KANK4: variants seen among roughly 807,000 people sequenced by gnomAD.
The protein encoded by KANK4 is KN motif and ankyrin repeat domains 4.
A neutral mutation model predicts 80.8 loss-of-function variants in KANK4; 50 were observed. The observed-to-expected ratio is 0.62, with a 90% CI of 0.49 to 0.78. The LOEUF is 0.78. Among genes scored for constraint, KANK4 ranks in the 30% least tolerant of loss-of-function variants. The pLI, the probability that KANK4 is intolerant of heterozygous loss-of-function variation, is 0.00. For missense variants in KANK4, 1,196 were observed against 1,240.1 expected (o/e 0.96, Z 0.53); for synonymous variants, 465 against 506.9 (o/e 0.92, Z 1.11).
At position 62,263,522 on chromosome 1, in the gene KANK4, A is replaced by G. The variant is rs1224797916; in HGVS notation, c.2320-211T>C. 7 of 558,288 alleles carry G rather than the reference A, an allele frequency of 1.3e-5. No homozygotes were observed. The African/African-American group carries it at 1.3e-4, about 11-fold the overall frequency. The allele number at this position is 558,288 out of a possible 1,614,324, so 34.6% of individuals were successfully genotyped here. A position where few individuals can be genotyped will look rare whatever the true frequency, so the allele number is the denominator to read the frequency against. Reference sequence around the variant, plus strand: ...TCAGCCCCCTCTGGGAGTGGAAAGGAAGACTGGGAGGACAGCCTAGTAACC... The same window carrying G: ...TCAGCCCCCTCTGGGAGTGGAAAGGGAGACTGGGAGGACAGCCTAGTAACC... On this transcript the variant is annotated intron_variant, in intron 6 of 9. Transcript: ENST00000371153.
At chr1:62,294,286 A>G (rs553982305) in intron 1 of KANK4, among the ~76,000 whole-genome samples, 10 of 152,234 alleles carry the variant, frequency 6.6e-5, no homozygotes, top group African/African-American at 2.2e-4. Flanking sequence ...GGAAACCACA[A>G]TTTGGAGTAA....
In KANK4 at chr1:62,273,490, G is replaced by A. The variant is rs1672218395; in HGVS notation, c.1614C>T (p.Thr538=). The A allele has an allele frequency of 6.2e-7, 1 of 1,613,876 alleles. No individual in the cohort carries two copies. Among genetic ancestry groups the A allele is most frequent in the Admixed American group, 1.7e-5 (1 of 59,974 alleles). ...RKTPPAGREE[T]SSNLPGKEHP... The stretch of plus-strand genomic sequence containing the variant: ...GCTCCTTCCCTGGGAGATTGGAACT[G>A]GTCTCCTCCCTCCCTGCTGGGGGAG... Residue 538 remains threonine (T), a synonymous_variant, in exon 3 of 10, where the codon ACC becomes ACT. Transcript: ENST00000371153.
At position 62,274,783 on chromosome 1, in the gene KANK4, G is replaced by A. The variant is rs762106052; in HGVS notation, c.321C>T (p.Asn107=). The change falls in exon 3 of 10, where the codon AAC becomes AAT. Residue 107 remains asparagine (N), a synonymous_variant. Transcript: ENST00000371153. ...REASLGTQEQ[N]QSPPLGNAPQ... ...GGGCATTACCAAGCGGTGGTGACTG[G>A]TTTTGCTCCTGTGTCCCAAGTGATG... The A allele has an allele frequency of 3.1e-5, 50 of 1,614,098 alleles. No individual in the cohort carries two copies. Among genetic ancestry groups the A allele is most frequent in the Non-Finnish European group, 3.9e-5 (46 of 1,179,994 alleles).
At chr1:62,284,861 T>C (rs958048080) in intron 1 of KANK4, among the ~76,000 whole-genome samples, 6 of 152,168 alleles carry the variant, frequency 3.9e-5, no homozygotes, top group Non-Finnish European at 8.8e-5. Flanking sequence ...TCAGAATTAT[T>C]GCAAGTCTTA....
chr1:62,294,459 T>C (rs1253067635), intron 1 of KANK4, among the ~76,000 whole-genome samples: 2 of 152,240 alleles, frequency 1.3e-5, no homozygotes, highest in African/African-American at 4.8e-5. Flanking sequence ...ATTCAGCAGA[T>C]GCCTCTGCAG....
intron 7 of KANK4, among the ~76,000 whole-genome samples, chr1:62,254,457 G>T (rs551454393): frequency 6.6e-6 from 1 of 151,886 alleles, no homozygotes; most frequent in Admixed American, 6.6e-5. Flanking sequence ...GGCCAGTCTG[G>T]TCTCGAACTC....
intron 7 of KANK4, among the ~76,000 whole-genome samples, chr1:62,261,373 T>G (rs1240217222): frequency 2.0e-5 from 3 of 152,090 alleles, no homozygotes; most frequent in African/African-American, 7.2e-5. Context: ...TTGGCCAGGC[T>G]GGTCTTGAAC....
intron 1 of KANK4, among the ~76,000 whole-genome samples, chr1:62,316,420 C>T (rs988732436): frequency 2.0e-5 from 3 of 152,094 alleles, no homozygotes; most frequent in Admixed American, 6.5e-5. Flanking sequence ...GTACCAGGAA[C>T]GAAAAGAGGC....
chr1:62,262,029 C>G (rs1322212518), intron 7 of KANK4, among the ~76,000 whole-genome samples: 3 of 152,226 alleles, frequency 2.0e-5, no homozygotes, highest in Non-Finnish European at 4.4e-5. Context: ...CTTTGCATCC[C>G]TGGTAGTAGC....
intron 2 of KANK4, among the ~76,000 whole-genome samples, chr1:62,275,675 T>A (rs1245241766): frequency 6.6e-6 from 1 of 152,192 alleles, no homozygotes; most frequent in African/African-American, 2.4e-5. Flanking sequence ...TATGCACAGA[T>A]CAGAGAGAGC....
rs1282615199 is a variant in KANK4, at chr1:62,279,198, G to GCGCGCGCACACACA, written c.16+2350_16+2351insTGTGTGTGCGCGCG. On this transcript the variant is annotated intron_variant, in intron 2 of 9. Coordinates refer to ENST00000371153, the MANE Select transcript of KANK4 (RefSeq NM_181712.5). ...TAGGTGCTTTCCTAAGCTAGCGCGC[G>GCGCGCGCACACACA]CACACACACACACACACACACACAC... 1.7e-3 allele frequency among the ~76,000 whole-genome samples: 242 copies of GCGCGCGCACACACA among 146,256 alleles called. 2 individuals carry two copies. Among genetic ancestry groups the GCGCGCGCACACACA allele is most frequent in the African/African-American group, 6.0e-3 (237 of 39,316 alleles).
At chr1:62,263,545 A>G (rs1040005275) in intron 6 of KANK4, 5 of 502,748 alleles carry the variant, frequency 9.9e-6, no homozygotes, top group African/African-American at 7.9e-5. Context: ...CAGCCTAGTA[A>G]CCAGTAACAA....
intron 1 of KANK4, among the ~76,000 whole-genome samples, chr1:62,293,772 A>G (rs1644332777): frequency 6.6e-6 from 1 of 152,182 alleles, no homozygotes; most frequent in African/African-American, 2.4e-5. Flanking sequence ...ATTAGTGCAG[A>G]AGACATTTGT....
chr1:62,300,851 G>A (rs1644406253), intron 1 of KANK4, among the ~76,000 whole-genome samples: 2 of 152,090 alleles, frequency 1.3e-5, no homozygotes, highest in Admixed American at 1.3e-4. Flanking sequence ...CTTCAAGAGG[G>A]AAATAGCAAG....
chr1:62,308,350 T>A (rs1316342271), intron 1 of KANK4, among the ~76,000 whole-genome samples: 6 of 152,074 alleles, frequency 3.9e-5, no homozygotes, highest in African/African-American at 1.2e-4. Flanking sequence ...GGCCAGATAA[T>A]GTGCCTTCTG....
chr1:62,238,499 CAGAGACCTCGGT>C (rs1671261565), intron 9 of KANK4, 118 bp from the exon 10 acceptor site: 2 of 742,490 alleles, frequency 2.7e-6, no homozygotes, highest in Non-Finnish European at 4.6e-6. Flanking sequence ...TTAAGGCTTC[CAGAGACCTCGGT>C]AGAGAAGATT....
At chr1:62,247,448 T>C (rs1671493357) in intron 9 of KANK4, 24 bp downstream of exon 9, 1 of 1,611,224 alleles carries the variant, frequency 6.2e-7, no homozygotes, top group African/African-American at 1.3e-5. Flanking sequence ...CAACAGCTAC[T>C]TGTTAATTGC....
chr1:62,266,770 G>C lies in KANK4; in HGVS notation c.2281C>G (p.His761Asp). Residue 761 changes from histidine to aspartate, a missense_variant, in exon 6 of 10, where the codon CAT (histidine) becomes GAT (aspartate). Physicochemically the swap from His to Asp is moderately conservative, Grantham distance 81. Coordinates refer to ENST00000371153, the MANE Select transcript of KANK4 (RefSeq NM_181712.5). ...GTGGTGGTCCCAGTTTCTGGCAGAT[G>C]CTGGCTCAGTGCCCGGCATGCATTA... ...FLNACRALSQ[H>D]LPETGTTTDQ... 1 of 1,613,068 alleles carries C rather than the reference G, an allele frequency of 6.2e-7. No homozygotes were observed. Among genetic ancestry groups the C allele is most frequent in the South Asian group, 1.1e-5 (1 of 91,052 alleles).
At chr1:62,271,646 C>A (rs1672166881) in intron 3 of KANK4, 57 bp from the exon 4 acceptor site, 1 of 1,294,772 alleles carries the variant, frequency 7.7e-7, no homozygotes, top group African/African-American at 1.5e-5. Flanking sequence ...GGGAATGTAG[C>A]AAAACCAGGA....
Sources: allele counts gnomAD v4.1 joint callset (sites outside exome capture counted in the v4.1 genomes callset), GRCh38; gene constraint gnomAD v4.1.1; transcripts MANE v1.5; gene names NCBI Gene and HGNC (gene_info 2026-07-23, HGNC 2026-07-21).